Variants in RNF17 observed in about 807,000 individuals in gnomAD.
RNF17 encodes the protein spermatogenesis associated 23.
In RNF17, 31 loss-of-function variants were observed where a neutral mutation model predicts 200.5. The ratio of observed to expected loss-of-function variants is 0.15; its 90% CI spans 0.12 to 0.21. The LOEUF (loss-of-function observed/expected upper bound fraction) is 0.21, where lower values mean the gene tolerates loss of function less well. Ranked by LOEUF, RNF17 falls within the 10% of genes least tolerant of loss-of-function variation. The pLI, the probability that RNF17 is intolerant of heterozygous loss-of-function variation, is 1.00. For missense variants in RNF17, 1,628 were observed against 1,905.1 expected (o/e 0.85, Z 2.71); for synonymous variants, 606 against 637.8 (o/e 0.95, Z 0.75).
At chr13:24,853,706 A>G in intron 24 of RNF17, 149 bp from the exon 25 acceptor site, 1 of 588,228 alleles carries the variant, frequency 1.7e-6, no homozygotes, top group Non-Finnish European at 2.8e-6. Flanking sequence ...AAGTAGTTTT[A>G]ATTTTAACTG....
intron 16 of RNF17, among the ~76,000 whole-genome samples, chr13:24,829,399 A>G (rs1189903757): frequency 6.6e-6 from 1 of 152,234 alleles, no homozygotes; most frequent in Admixed American, 6.5e-5. Context: ...CTATTTGTTT[A>G]AAACTACATT....
At chr13:24,834,980 G>C (rs927593993) in intron 18 of RNF17, among the ~76,000 whole-genome samples, 1 of 152,188 alleles carries the variant, frequency 6.6e-6, no homozygotes, top group South Asian at 2.1e-4. Context: ...GGGGCTGATG[G>C]GGGGAACACA....
Position 24,767,369 on chromosome 13 carries a change from A to G in RNF17, c.225+3A>G. The stretch of plus-strand genomic sequence containing the variant: ...CAATTATATGCCCTGATTGTGAGGT[A>G]AGTGTTATAATTTTTCAGATGAAAC... On this transcript the variant is annotated splice_donor_region_variant and intron_variant, in intron 2 of 35. Transcript: ENST00000255324. 1 of 1,565,668 alleles carries G rather than the reference A, an allele frequency of 6.4e-7. No homozygotes were observed.
At chr13:24,873,426 G>A (rs543858620) in intron 32 of RNF17, among the ~76,000 whole-genome samples, 1 of 152,208 alleles carries the variant, frequency 6.6e-6, no homozygotes, top group South Asian at 2.1e-4. Context: ...GTACTTTTCT[G>A]TATTAAACAT....
chr13:24,841,483 T>C (rs1329548522), intron 18 of RNF17, among the ~76,000 whole-genome samples: 4 of 152,182 alleles, frequency 2.6e-5, no homozygotes, highest in African/African-American at 9.7e-5. Flanking sequence ...TGAGCTGATT[T>C]CTTTATATAA....
chr13:24,872,509 A>G (rs17081310), intron 32 of RNF17, among the ~76,000 whole-genome samples: 16,018 of 150,612 alleles, frequency 0.11, 1,065 homozygotes, highest in Admixed American at 0.14. Context: ...TCCACCGTTT[A>G]ACTCAAGCCT....
At chr13:24,834,457 C>G (rs1211158989) in intron 18 of RNF17, among the ~76,000 whole-genome samples, 2 of 151,890 alleles carry the variant, frequency 1.3e-5, no homozygotes, top group African/African-American at 4.8e-5. Context: ...GCAACAAACC[C>G]TCTGCAGGAA....
intron 13 of RNF17, 77 bp downstream of exon 13, chr13:24,800,611 G>A (rs1885127332): frequency 1.2e-5 from 15 of 1,207,872 alleles, no homozygotes; most frequent in Non-Finnish European, 1.6e-5. Flanking sequence ...AGATTGCTAA[G>A]TATAGGCTCA....
intron 33 of RNF17, among the ~76,000 whole-genome samples, chr13:24,876,677 C>T (rs1234724008): frequency 1.3e-5 from 2 of 152,120 alleles, no homozygotes; most frequent in Non-Finnish European, 1.5e-5. Context: ...TGATTAGTGA[C>T]GTGGAACATC....
Position 24,789,763 on chromosome 13 carries a change from A to C in RNF17, c.926A>C (p.Asp309Ala), listed in dbSNP as rs773769662. The change falls in exon 9 of 36, where the codon GAC (aspartate) becomes GCC (alanine). Residue 309 changes from aspartate (D) to alanine (A), a missense_variant. By Grantham distance (126) the Asp-to-Ala change is moderately radical. Transcript: ENST00000255324. ...AATATGGGAAAGATTGAATTTAGGG[A>C]CTCAACAAAGTAAGTATTTATAAGC... ...FNNMGKIEFR[D>A]STKCYPQENE... The C allele has an allele frequency of 1.3e-6, 2 of 1,574,082 alleles. No homozygotes were observed. Among genetic ancestry groups the C allele is most frequent in the Non-Finnish European group, 1.7e-6 (2 of 1,144,418 alleles).
chr13:24,802,290 C>T (rs1317095424), intron 13 of RNF17, 91 bp from the exon 14 acceptor site: 8 of 1,151,102 alleles, frequency 6.9e-6, no homozygotes, highest in African/African-American at 4.7e-5. Flanking sequence ...TTCGCAGTTG[C>T]GTCTGTGGTT....
chr13:24,885,227 C>T, the RNF17 span: 2 of 1,237,660 alleles, frequency 1.6e-6, no homozygotes, highest in Non-Finnish European at 2.4e-6. Context: ...ACTATTTTAA[C>T]CCATGTTTAT....
At chr13:24,874,280 G>A in intron 33 of RNF17, 31 bp downstream of exon 33, 1 of 1,523,240 alleles carries the variant, frequency 6.6e-7, no homozygotes, top group South Asian at 1.3e-5. Context: ...TGTTGAATTA[G>A]ATTTCTTTTT....
At chr13:24,827,571 G>T (rs1255551153) in intron 16 of RNF17, among the ~76,000 whole-genome samples, 1 of 150,772 alleles carries the variant, frequency 6.6e-6, no homozygotes, top group Non-Finnish European at 1.5e-5. Flanking sequence ...GCGTAGTGGC[G>T]GGCGCCTGTA....
chr13:24,820,326 T>C (rs1002834388), intron 15 of RNF17, among the ~76,000 whole-genome samples: 1 of 152,152 alleles, frequency 6.6e-6, no homozygotes, highest in Non-Finnish European at 1.5e-5. Context: ...TTCACCATGT[T>C]GGCCAGGCTG....
At chr13:24,845,150 T>G in intron 22 of RNF17, 71 bp downstream of exon 22, 1 of 822,950 alleles carries the variant, frequency 1.2e-6, no homozygotes, top group Non-Finnish European at 2.0e-6. Context: ...GTTTTAATTT[T>G]GCTAAGATAT....
intron 15 of RNF17, among the ~76,000 whole-genome samples, chr13:24,822,828 A>G (rs1212913595): frequency 1.3e-5 from 2 of 152,218 alleles, no homozygotes; most frequent in East Asian, 1.9e-4. Context: ...GAAACTTCTG[A>G]TATCAGTCAG....
At chr13:24,875,437 G>T (rs958796483) in intron 33 of RNF17, among the ~76,000 whole-genome samples, 1 of 152,140 alleles carries the variant, frequency 6.6e-6, no homozygotes, top group African/African-American at 2.4e-5. Flanking sequence ...AATTAATCTT[G>T]TTCATGCCCT....
Position 24,861,031 on chromosome 13 carries a change from C to A in RNF17, c.3775-237C>A, listed in dbSNP as rs182338708. 3.4e-3 allele frequency among the ~76,000 whole-genome samples: 510 copies of A among 152,208 alleles called. 3 individuals carry two copies. The highest frequency in any genetic ancestry group is 6.1e-3 in the Non-Finnish European group (418 of 68,012). On this transcript the variant is annotated intron_variant, in intron 26 of 35. Transcript: ENST00000255324. ...TAGCCGGGACTACAGGCGCATACCA[C>A]CACAGACAGCTAATTTTTTTTATTT...
Sources: allele counts gnomAD v4.1 joint callset (sites outside exome capture counted in the v4.1 genomes callset), GRCh38; gene constraint gnomAD v4.1.1; transcripts MANE v1.5; gene names NCBI Gene and HGNC (gene_info 2026-07-23, HGNC 2026-07-21).